Variants in SLC24A2 observed in about 807,000 individuals in gnomAD.
SLC24A2 encodes sodium/potassium/calcium exchanger 2.
A neutral mutation model predicts 62.0 loss-of-function variants in SLC24A2; 36 were observed. The ratio of observed to expected loss-of-function variants is 0.58; its 90% confidence interval spans 0.44 to 0.77. SLC24A2 has a LOEUF of 0.77. Among genes scored for constraint, SLC24A2 ranks in the 30% least tolerant of loss-of-function variants. The pLI is 0.00. For missense variants in SLC24A2, 846 were observed against 817.9 expected (o/e 1.03, Z -0.42); for synonymous variants, 358 against 294.0 (o/e 1.22, Z -2.23).
the SLC24A2 span, among the ~76,000 whole-genome samples, chr9:19,994,843 G>C: frequency 7.2e-5 from 11 of 152,234 alleles, no homozygotes; most frequent in African/African-American, 2.2e-4. Context: ...ACACTCTGCA[G>C]AGACATACTT....
intron 2 of SLC24A2, among the ~76,000 whole-genome samples, chr9:19,735,774 C>T (rs559466923): frequency 4.0e-5 from 6 of 151,560 alleles, no homozygotes; most frequent in South Asian, 2.1e-4. Flanking sequence ...AACCAAACAC[C>T]GCATGTTCTC....
rs890859477 is a variant in SLC24A2 at position 19,507,673 on chromosome 9, G to A, written c.*8480C>T. ...AAGTAGAGCTTCCTGTCTATGTACAGACATATTCACAGAGAATAAACTGAC... is the reference window on the plus strand; with the variant it reads ...AAGTAGAGCTTCCTGTCTATGTACAAACATATTCACAGAGAATAAACTGAC... On this transcript the variant is annotated 3_prime_UTR_variant, in exon 11 of 11. Coordinates refer to ENST00000341998, the MANE Select transcript of SLC24A2 (RefSeq NM_020344.4). 2.6e-5 allele frequency: 4 copies of A among 152,204 alleles called. No homozygotes were observed. The highest frequency in any genetic ancestry group is 9.6e-5 in the African/African-American group (4 of 41,454). 9.4% of individuals were successfully genotyped at this position (152,204 alleles called of 1,614,324 possible). A position where few individuals can be genotyped will look rare whatever the true frequency, so the allele number is the denominator to read the frequency against.
At chr9:19,606,868 G>T (rs770311798) in intron 4 of SLC24A2, among the ~76,000 whole-genome samples, 14 of 152,222 alleles carry the variant, frequency 9.2e-5, no homozygotes, top group Non-Finnish European at 1.9e-4. Context: ...ATCTGATAAT[G>T]TGAGGTCAGG....
the SLC24A2 span, among the ~76,000 whole-genome samples, chr9:19,854,566 C>T: frequency 1.3e-5 from 2 of 152,190 alleles, no homozygotes; most frequent in South Asian, 4.1e-4. Context: ...AGGAGTCATT[C>T]AGGAGCAGAT....
At chr9:19,909,704 T>A in the SLC24A2 span, among the ~76,000 whole-genome samples, 1 of 152,232 alleles carries the variant, frequency 6.6e-6, no homozygotes, top group East Asian at 1.9e-4. Context: ...AGGGAGGGCA[T>A]CTTCACAAAG....
chr9:19,561,856 C>G (rs1835420457), intron 7 of SLC24A2, among the ~76,000 whole-genome samples: 1 of 152,116 alleles, frequency 6.6e-6, no homozygotes, highest in African/African-American at 2.4e-5. Flanking sequence ...ATTTGGCACC[C>G]TAAACACAAC....
chr9:19,513,196 A>T lies in SLC24A2; in HGVS notation c.*2957T>A, dbSNP rs1832797201. Reference sequence around the variant, plus strand: ...TATATGTATATATATATATATGTATATATTTATATATGTATATACACAGGC... The same window carrying T: ...TATATGTATATATATATATATGTATTTATTTATATATGTATATACACAGGC... On this transcript the variant is annotated 3_prime_UTR_variant, in exon 11 of 11. Transcript: ENST00000341998. 1 of 143,146 alleles carries T rather than the reference A, an allele frequency of 7.0e-6. No individual in the cohort carries two copies. The highest frequency in any genetic ancestry group is 1.5e-5 in the Non-Finnish European group (1 of 66,848). The allele number at this position is 143,146 out of a possible 1,614,324, so 8.9% of individuals were successfully genotyped here. A position where few individuals can be genotyped will look rare whatever the true frequency, so the allele number is the denominator to read the frequency against.
At chr9:19,731,308 T>C (rs1821325605) in intron 2 of SLC24A2, among the ~76,000 whole-genome samples, 1 of 152,226 alleles carries the variant, frequency 6.6e-6, no homozygotes, top group Admixed American at 6.5e-5. Flanking sequence ...GTGAGGATTA[T>C]ACATAATGCT....
chr9:20,236,141 AG>A, the SLC24A2 span, among the ~76,000 whole-genome samples: 2 of 152,234 alleles, frequency 1.3e-5, no homozygotes, highest in African/African-American at 4.8e-5. Context: ...GCAGCAGTCA[AG>A]ATCTGCTTTC....
chr9:20,217,004 T>A, the SLC24A2 span, among the ~76,000 whole-genome samples: 2 of 152,188 alleles, frequency 1.3e-5, no homozygotes, highest in South Asian at 2.1e-4. Context: ...ATCAAATGTA[T>A]ACATTTGCTC....
the SLC24A2 span, among the ~76,000 whole-genome samples, chr9:20,280,741 G>A: frequency 6.6e-6 from 1 of 152,168 alleles, no homozygotes; most frequent in African/African-American, 2.4e-5. Context: ...ATAATTAGGT[G>A]AAGGATCTCA....
intron 2 of SLC24A2, among the ~76,000 whole-genome samples, chr9:19,636,326 T>TTC (rs1491476004): frequency 0.053 from 1,398 of 26,620 alleles, 149 homozygotes; most frequent in African/African-American, 0.12. Flanking sequence ...TTTCTTTCTT[T>TTC]CTTTCTTTCT....
At chr9:20,235,855 A>C in the SLC24A2 span, among the ~76,000 whole-genome samples, 2 of 152,098 alleles carry the variant, frequency 1.3e-5, no homozygotes, top group African/African-American at 4.8e-5. Context: ...AGCTGTTCCC[A>C]TTCGGCCTTC....
chr9:20,146,298 G>C, the SLC24A2 span, among the ~76,000 whole-genome samples: 1 of 152,098 alleles, frequency 6.6e-6, no homozygotes, highest in Non-Finnish European at 1.5e-5. Context: ...TGTCTGAGTC[G>C]TGTTGAGAGA....
intron 8 of SLC24A2, 59 bp downstream of exon 8, chr9:19,550,078 G>T: frequency 2.6e-6 from 4 of 1,553,778 alleles, no homozygotes; most frequent in Non-Finnish European, 2.7e-6. Flanking sequence ...AGCAGACTAT[G>T]CACCCTGTTA....
At chr9:20,294,033 A>T in the SLC24A2 span, among the ~76,000 whole-genome samples, 1 of 151,926 alleles carries the variant, frequency 6.6e-6, no homozygotes, top group Non-Finnish European at 1.5e-5. Context: ...CTGCTTGTAC[A>T]TTTGCTCATC....
At chr9:20,236,021 A>G in the SLC24A2 span, among the ~76,000 whole-genome samples, 1 of 152,212 alleles carries the variant, frequency 6.6e-6, no homozygotes, top group African/African-American at 2.4e-5. Context: ...TGTTTGTTGA[A>G]TGAATAAATA....
the SLC24A2 span, among the ~76,000 whole-genome samples, chr9:19,837,974 G>A: frequency 4.1e-4 from 61 of 149,540 alleles, no homozygotes; most frequent in East Asian, 4.7e-3. Context: ...AATCAATATC[G>A]TGAAAATGGC....
At chr9:20,030,684 A>G in the SLC24A2 span, among the ~76,000 whole-genome samples, 2 of 152,342 alleles carry the variant, frequency 1.3e-5, no homozygotes, top group Admixed American at 1.3e-4. Flanking sequence ...CTGTTGTAAG[A>G]GTTCTGTAAA....
Sources: gnomAD v4.1 joint callset for allele counts (sites outside exome capture counted in the v4.1 genomes callset) on GRCh38, gnomAD v4.1.1 for gene constraint, MANE v1.5 for transcripts, NCBI Gene and HGNC (gene_info 2026-07-23, HGNC 2026-07-21) for gene names.